PLGRKT: variants seen among roughly 807,000 people sequenced by gnomAD.
PLGRKT encodes plasminogen receptor with a C-terminal lysine.
Under a neutral mutation model 18.5 loss-of-function variants are expected in PLGRKT, and 22 were observed. The observed-to-expected ratio is 1.19, with a 90% CI of 0.85 to 1.70. PLGRKT has a LOEUF of 1.70. Ranked by LOEUF, PLGRKT falls within the 40% of genes most tolerant of loss-of-function variation. The pLI, the probability that PLGRKT is intolerant of heterozygous loss-of-function variation, is 0.00. For synonymous variants in PLGRKT, 72 were observed against 52.8 expected, an observed-to-expected ratio of 1.36 and a Z score of -1.58; for missense variants, 235 against 174.4, an observed-to-expected ratio of 1.35 and a Z score of -1.96.
intron 3 of PLGRKT, among the ~76,000 whole-genome samples, chr9:5,374,578 T>C (rs773989435): frequency 5.9e-5 from 9 of 152,216 alleles, no homozygotes; most frequent in South Asian, 2.1e-4. Context: ...TAGAGTCACA[T>C]GAAATTGGGT....
rs1221987149 is a variant in PLGRKT at position 5,403,085 on chromosome 9, T to C, written c.81+28812A>G. 3.3e-5 allele frequency among the ~76,000 whole-genome samples: 5 copies of C among 151,920 alleles called. 1 individual carries two copies. Among genetic ancestry groups the C allele is most frequent in the Non-Finnish European group, 7.3e-5 (5 of 68,040 alleles). On this transcript the variant is annotated intron_variant, in intron 3 of 5. Transcript: ENST00000223864. The stretch of plus-strand genomic sequence containing the variant: ...TTTATTTTGCTGCATTTAATCATTA[T>C]TGGTCTCAATGTAACAGATGGAAGG...
intron 2 of PLGRKT, among the ~76,000 whole-genome samples, chr9:5,435,531 T>C (rs1193161258): frequency 6.6e-6 from 1 of 152,190 alleles, no homozygotes; most frequent in Non-Finnish European, 1.5e-5. Flanking sequence ...TGGAAAAACA[T>C]ACAGATACTT....
At chr9:5,408,694 G>A (rs1818304063) in intron 3 of PLGRKT, among the ~76,000 whole-genome samples, 1 of 152,228 alleles carries the variant, frequency 6.6e-6, no homozygotes, top group Non-Finnish European at 1.5e-5. Flanking sequence ...TAATAGTCAA[G>A]ACAATAAAGA....
chr9:5,433,972 G>T (rs1586750874), intron 2 of PLGRKT, among the ~76,000 whole-genome samples: 1 of 144,824 alleles, frequency 6.9e-6, no homozygotes, highest in East Asian at 2.2e-4. Context: ...GAAGTGAGGA[G>T]CGCCTCTGCC....
chr9:5,365,511 CT>C (rs34240663), intron 3 of PLGRKT, among the ~76,000 whole-genome samples: 43,415 of 152,006 alleles, frequency 0.29, 6,306 homozygotes, highest in Non-Finnish European at 0.31. Flanking sequence ...TGATCTTGGG[CT>C]TTGCTTAGTT....
At chr9:5,421,851 C>T (rs1818581754) in intron 3 of PLGRKT, among the ~76,000 whole-genome samples, 1 of 152,178 alleles carries the variant, frequency 6.6e-6, no homozygotes, top group South Asian at 2.1e-4. Flanking sequence ...CTTGAAAGAG[C>T]TTCCATTAGC....
chr9:5,359,443 T>TA (rs1817213171), intron 5 of PLGRKT, among the ~76,000 whole-genome samples: 1 of 152,144 alleles, frequency 6.6e-6, no homozygotes, highest in African/African-American at 2.4e-5. Context: ...GCAAATGTCT[T>TA]ATTTTTTTTA....
chr9:5,381,918 G>A (rs1377962652), intron 3 of PLGRKT: 4 of 984,914 alleles, frequency 4.1e-6, no homozygotes, highest in Non-Finnish European at 4.8e-6. Context: ...ATCATGAGAG[G>A]AAGAGTCTGC....
intron 3 of PLGRKT, among the ~76,000 whole-genome samples, chr9:5,383,864 G>T (rs1168952923): frequency 6.6e-6 from 1 of 152,220 alleles, no homozygotes; most frequent in Non-Finnish European, 1.5e-5. Flanking sequence ...CCAGGGGTTG[G>T]GGATCCTAGA....
At chr9:5,414,383 G>A (rs1206061354) in intron 3 of PLGRKT, among the ~76,000 whole-genome samples, 4 of 152,140 alleles carry the variant, frequency 2.6e-5, no homozygotes, top group Non-Finnish European at 5.9e-5. Flanking sequence ...GGGCAGGCTG[G>A]TCTCAAATTC....
Position 5,386,562 on chromosome 9 carries a change from C to G in PLGRKT, c.82-24674G>C, listed in dbSNP as rs139432755. 2.8e-3 allele frequency among the ~76,000 whole-genome samples: 427 copies of G among 151,904 alleles called. 16 individuals carry two copies. Among genetic ancestry groups the G allele is most frequent in the African/African-American group, 9.8e-3 (403 of 41,208 alleles). On this transcript the variant is annotated intron_variant, in intron 3 of 5. Transcript: ENST00000223864. ...AGTGTTGTGGTTGAGAAATTCTGGC[C>G]TCAATTAAAGAGGCCATATAATCAA...
At chr9:5,435,005 T>C (rs911197146) in intron 2 of PLGRKT, among the ~76,000 whole-genome samples, 9 of 152,020 alleles carry the variant, frequency 5.9e-5, no homozygotes, top group Non-Finnish European at 1.2e-4. Context: ...ATGCTGTTAA[T>C]CTATAACCTT....
chr9:5,434,301 C>CAT (rs1339083032), intron 2 of PLGRKT, among the ~76,000 whole-genome samples: 22 of 137,844 alleles, frequency 1.6e-4, no homozygotes, highest in African/African-American at 6.1e-4. Flanking sequence ...CCCGGCCGCC[C>CAT]CGTCTGGGAA....
chr9:5,400,083 A>C (rs899716732), intron 3 of PLGRKT, among the ~76,000 whole-genome samples: 6 of 151,906 alleles, frequency 3.9e-5, no homozygotes, highest in African/African-American at 1.5e-4. Flanking sequence ...ATGTGCAAAA[A>C]AAATTCACCA....
At chr9:5,363,134 C>T (rs1416994607) in intron 3 of PLGRKT, among the ~76,000 whole-genome samples, 2 of 151,830 alleles carry the variant, frequency 1.3e-5, no homozygotes, top group Non-Finnish European at 2.9e-5. Flanking sequence ...CCATAACAGA[C>T]ACTTGGGGAG....
intron 3 of PLGRKT, among the ~76,000 whole-genome samples, chr9:5,397,834 T>G (rs1049742682): frequency 4.6e-5 from 7 of 152,058 alleles, no homozygotes; most frequent in African/African-American, 9.7e-5. Context: ...CAGCACACTT[T>G]AGTTTGTGAG....
chr9:5,403,228 T>TC (rs1431749437), intron 3 of PLGRKT, among the ~76,000 whole-genome samples: 2 of 150,170 alleles, frequency 1.3e-5, no homozygotes, highest in Admixed American at 6.6e-5. Flanking sequence ...TTTTTTCTTT[T>TC]TTTTTTTTTT....
intron 3 of PLGRKT, among the ~76,000 whole-genome samples, chr9:5,370,837 A>T (rs1464030176): frequency 6.6e-6 from 1 of 152,244 alleles, no homozygotes; most frequent in Non-Finnish European, 1.5e-5. Flanking sequence ...GGCAAGTGGC[A>T]TTTAACCTTA....
chr9:5,393,971 CT>C (rs772105140), intron 3 of PLGRKT, among the ~76,000 whole-genome samples: 27 of 151,780 alleles, frequency 1.8e-4, no homozygotes, highest in Non-Finnish European at 3.4e-4. Flanking sequence ...AGCCTCTTAC[CT>C]TATAGTGAGA....
Sources: gnomAD v4.1 joint callset for allele counts (sites outside exome capture counted in the v4.1 genomes callset) on GRCh38, gnomAD v4.1.1 for gene constraint, MANE v1.5 for transcripts, NCBI Gene and HGNC (gene_info 2026-07-23, HGNC 2026-07-21) for gene names.